Variants in SLC35F3 observed in about 807,000 individuals in gnomAD.
The protein encoded by SLC35F3 is putative thiamine transporter SLC35F3.
SLC35F3 carries 25 observed loss-of-function variants against 49.9 expected under a neutral mutation model. The ratio of observed to expected loss-of-function variants is 0.50; its 90% CI spans 0.37 to 0.70. The LOEUF (loss-of-function observed/expected upper bound fraction) is 0.70. Among genes scored for constraint, SLC35F3 ranks in the 30% least tolerant of loss-of-function variants. SLC35F3 has a pLI of 0.00. For synonymous variants in SLC35F3, 275 were observed against 265.4 expected, an observed-to-expected ratio of 1.04 and a Z score of -0.35; for missense variants, 525 against 639.8, an observed-to-expected ratio of 0.82 and a Z score of 1.94.
intron 2 of SLC35F3, among the ~76,000 whole-genome samples, chr1:234,002,063 A>G (rs1663562754): frequency 6.6e-6 from 1 of 152,178 alleles, no homozygotes; most frequent in Non-Finnish European, 1.5e-5. Flanking sequence ...CTGGCTGTAG[A>G]CAGGACTTTC....
chr1:234,200,565 A>C (rs1270435620), intron 2 of SLC35F3, among the ~76,000 whole-genome samples: 1 of 152,142 alleles, frequency 6.6e-6, no homozygotes, highest in African/African-American at 2.4e-5. Flanking sequence ...TTTCCAAAAA[A>C]CTTCCACTTG....
At chr1:234,146,481 CTTTT>C (rs869146212) in intron 2 of SLC35F3, among the ~76,000 whole-genome samples, 361 of 74,028 alleles carry the variant, frequency 4.9e-3, no homozygotes, top group African/African-American at 0.021. Context: ...GATATTTGCT[CTTTT>C]TTTTTTTTTT....
At chr1:234,267,518 C>A (rs867449602) in intron 3 of SLC35F3, among the ~76,000 whole-genome samples, 2 of 125,644 alleles carry the variant, frequency 1.6e-5, no homozygotes, top group East Asian at 2.4e-4. Context: ...CTGACCCCCC[C>A]ACCTCCCTCC....
At chr1:234,205,975 G>C (rs2102937081) in intron 2 of SLC35F3, among the ~76,000 whole-genome samples, 1 of 152,294 alleles carries the variant, frequency 6.6e-6, no homozygotes, top group Admixed American at 6.5e-5. Context: ...GGAAGGACCT[G>C]CTGCTGAGGG....
intron 2 of SLC35F3, among the ~76,000 whole-genome samples, chr1:233,932,222 C>G (rs1004098681): frequency 2.0e-5 from 3 of 152,054 alleles, no homozygotes; most frequent in African/African-American, 7.2e-5. Context: ...GTGCAGCAAA[C>G]CACCATGGCA....
At chr1:234,119,115 C>A (rs969892505) in intron 2 of SLC35F3, among the ~76,000 whole-genome samples, 2 of 152,046 alleles carry the variant, frequency 1.3e-5, no homozygotes, top group South Asian at 2.1e-4. Context: ...CATGACTGAG[C>A]TCTTTCCATA....
chr1:234,138,828 C>T (rs1034240724), intron 2 of SLC35F3, among the ~76,000 whole-genome samples: 1 of 152,302 alleles, frequency 6.6e-6, no homozygotes, highest in Middle Eastern at 3.4e-3. Context: ...TGGAATTATA[C>T]AGGCGAGAGC....
chr1:234,191,647 A>G (rs1666732325), intron 2 of SLC35F3, among the ~76,000 whole-genome samples: 4 of 152,160 alleles, frequency 2.6e-5, no homozygotes, highest in Admixed American at 2.6e-4. Context: ...AATACGAAAG[A>G]CAAATGAAAC....
intron 2 of SLC35F3, among the ~76,000 whole-genome samples, chr1:233,998,112 T>C (rs1189716742): frequency 2.0e-5 from 3 of 152,156 alleles, no homozygotes; most frequent in Non-Finnish European, 2.9e-5. Flanking sequence ...GATATGTGTG[T>C]ATTCATATAT....
rs558380654 is a variant in SLC35F3 at position 234,106,779 on chromosome 1, G to A, written c.284-124638G>A. Among the ~76,000 whole-genome samples, 3 of 152,268 alleles carry A rather than the reference G, an allele frequency of 2.0e-5. No individual in the cohort carries two copies. The South Asian group carries it at 6.2e-4, about 32-fold the overall frequency. ...TCTCCTTGAAATGTTGTCATTTGAAGATACAATGTATGGAGCTATTGCAAC... is the reference window on the plus strand; with the variant it reads ...TCTCCTTGAAATGTTGTCATTTGAAAATACAATGTATGGAGCTATTGCAAC... On this transcript the variant is annotated intron_variant, in intron 2 of 7. Transcript: ENST00000366618.
In SLC35F3 at chr1:234,059,233, C is replaced by T. The variant is rs145072499; in HGVS notation, c.283+153475C>T. 2.6e-3 allele frequency among the ~76,000 whole-genome samples: 387 copies of T among 151,384 alleles called. 1 individual carries two copies. The highest frequency in any genetic ancestry group is 6.8e-3 in the African/African-American group (282 of 41,252). ...TATTTTTTAGGTTTGGTTCTTTTCT[C>T]GGTGTCTTATGGTAGAAGATTAGGT... On this transcript the variant is annotated intron_variant, in intron 2 of 7. Coordinates refer to ENST00000366618, the MANE Select transcript of SLC35F3 (RefSeq NM_173508.4).
At chr1:234,090,276 C>T (rs1665022308) in intron 2 of SLC35F3, among the ~76,000 whole-genome samples, 1 of 152,252 alleles carries the variant, frequency 6.6e-6, no homozygotes, top group African/African-American at 2.4e-5. Flanking sequence ...AAACCTTTGC[C>T]TTAGAATGGG....
intron 2 of SLC35F3, among the ~76,000 whole-genome samples, chr1:234,115,224 T>A (rs560806992): frequency 1.3e-5 from 2 of 152,306 alleles, no homozygotes; most frequent in African/African-American, 4.8e-5. Flanking sequence ...AGGGACCTCA[T>A]AATTCACTTT....
chr1:233,923,206 G>T (rs1486271566), intron 2 of SLC35F3, among the ~76,000 whole-genome samples: 1 of 152,124 alleles, frequency 6.6e-6, no homozygotes, highest in Non-Finnish European at 1.5e-5. Context: ...TAGCTTGATG[G>T]GTATGGCATT....
At chr1:233,954,145 T>C (rs553574093) in intron 2 of SLC35F3, among the ~76,000 whole-genome samples, 1 of 152,234 alleles carries the variant, frequency 6.6e-6, no homozygotes, top group South Asian at 2.1e-4. Context: ...TAGCTGGGAC[T>C]ACAGGCATGT....
At chr1:234,054,237 T>A (rs1664423288) in intron 2 of SLC35F3, among the ~76,000 whole-genome samples, 1 of 152,244 alleles carries the variant, frequency 6.6e-6, no homozygotes, top group Admixed American at 6.5e-5. Context: ...GCAAAGTGTT[T>A]TCCAACTTGG....
intron 3 of SLC35F3, among the ~76,000 whole-genome samples, chr1:234,270,809 G>T (rs1668086343): frequency 6.6e-6 from 1 of 152,236 alleles, no homozygotes; most frequent in Non-Finnish European, 1.5e-5. Context: ...GATGATGCCT[G>T]CCTGACGCAG....
intron 2 of SLC35F3, among the ~76,000 whole-genome samples, chr1:233,940,977 G>T (rs1662410892): frequency 6.6e-6 from 1 of 152,176 alleles, no homozygotes; most frequent in Admixed American, 6.5e-5. Flanking sequence ...TCCTCATGTA[G>T]TGGATAGGCC....
chr1:234,013,692 A>T (rs576848659), intron 2 of SLC35F3, among the ~76,000 whole-genome samples: 2 of 152,230 alleles, frequency 1.3e-5, no homozygotes, highest in Admixed American at 6.5e-5. Flanking sequence ...ATTCTAAGAG[A>T]TTACTATGAA....
Sources: allele counts gnomAD v4.1 joint callset (sites outside exome capture counted in the v4.1 genomes callset), GRCh38; gene constraint gnomAD v4.1.1; transcripts MANE v1.5; gene names NCBI Gene and HGNC (gene_info 2026-07-23, HGNC 2026-07-21).